Variants in PRPF38A observed in about 807,000 individuals in gnomAD.
PRPF38A encodes pre-mRNA processing factor 38A.
A neutral mutation model predicts 46.8 loss-of-function variants in PRPF38A; 11 were observed. The ratio of observed to expected loss-of-function variants is 0.24; its 90% CI spans 0.15 to 0.39. The LOEUF (loss-of-function observed/expected upper bound fraction) is 0.39. Ranked by LOEUF, PRPF38A falls within the 10% of genes least tolerant of loss-of-function variation. The pLI, the probability that PRPF38A is intolerant of heterozygous loss-of-function variation, is 1.00. For synonymous variants in PRPF38A, 124 were observed against 136.2 expected (o/e 0.91, Z 0.62); for missense variants, 261 against 407.5 (o/e 0.64, Z 3.10).
At chr1:52,408,172 G>A (rs192234846) in intron 2 of PRPF38A, 14 of 330,206 alleles carry the variant, frequency 4.2e-5, no homozygotes, top group Middle Eastern at 1.1e-3. Context: ...CCCAGGAGGC[G>A]GAGGTTGCAG....
Position 52,408,685 on chromosome 1 carries a change from A to G in PRPF38A, c.407A>G (p.Asn136Ser), listed in dbSNP as rs779491095. The change falls in exon 3 of 10, where the codon AAT becomes AGT. Residue 136 changes from asparagine to serine, a missense_variant. By Grantham distance (46) the Asn-to-Ser change is conservative. Coordinates refer to ENST00000257181, the MANE Select transcript of PRPF38A (RefSeq NM_032864.4). ...CGAAAAATCAAGAGCCAGAACCGAA[A>G]TGGGGGTAAGTATGGTGCTAAGTCT... ...DYRKIKSQNR[N>S]GEFELMHVDE... is the part of the protein sequence containing the mutation. 6.2e-6 allele frequency: 10 copies of G among 1,614,026 alleles called. No individual in the cohort carries two copies. In the East Asian group the frequency reaches 1.8e-4, roughly 29 times the overall value.
chr1:52,413,375 AAAC>A (rs1648203488), intron 5 of PRPF38A, among the ~76,000 whole-genome samples: 1 of 152,120 alleles, frequency 6.6e-6, no homozygotes, highest in African/African-American at 2.4e-5. Flanking sequence ...GAAAAGTTGA[AAAC>A]AACCAAGCTG....
At chr1:52,405,658 C>T (rs1485973602) in intron 1 of PRPF38A, 22 bp from the exon 2 acceptor site, 3 of 1,611,470 alleles carry the variant, frequency 1.9e-6, no homozygotes, top group Non-Finnish European at 2.5e-6. Flanking sequence ...TAATATGTTA[C>T]TGTATTGTTT....
At chr1:52,414,701 G>A (rs916135265) in intron 7 of PRPF38A, 54 bp downstream of exon 7, 4 of 1,613,446 alleles carry the variant, frequency 2.5e-6, no homozygotes, top group Non-Finnish European at 3.4e-6. Context: ...GGGGGTGGTG[G>A]TATTGGTGTT....
chr1:52,415,285 G>T, intron 8 of PRPF38A, 53 bp from the exon 9 acceptor site: 1 of 1,574,872 alleles, frequency 6.3e-7, no homozygotes, highest in Admixed American at 1.7e-5. Context: ...GAGAATGACA[G>T]TTTAATAAGA....
At chr1:52,408,955 T>G (rs1648074315) in intron 3 of PRPF38A, 1 of 298,274 alleles carries the variant, frequency 3.4e-6, no homozygotes, top group African/African-American at 2.2e-5. Context: ...TATGCCCCCT[T>G]TACATGTGCT....
In PRPF38A at chr1:52,404,700, A is replaced by G. The variant is rs544190409; in HGVS notation, c.-50A>G. ...CTCTAGGTGCTTTTTCTGAACCTGGATGTGAGGCATTAAAGGATCCGACGG... is the reference window on the plus strand; with the variant it reads ...CTCTAGGTGCTTTTTCTGAACCTGGGTGTGAGGCATTAAAGGATCCGACGG... On this transcript the variant is annotated 5_prime_UTR_variant, in exon 1 of 10. An upstream start codon of the reference 5' UTR is lost. Transcript: ENST00000257181. 1 of 1,591,932 alleles carries G rather than the reference A, an allele frequency of 6.3e-7. No individual in the cohort carries two copies. The highest frequency in any genetic ancestry group is 2.2e-5 in the East Asian group (1 of 44,542).
chr1:52,415,465 G>A (rs1648263955), intron 9 of PRPF38A, 79 bp downstream of exon 9: 2 of 1,227,826 alleles, frequency 1.6e-6, no homozygotes, highest in Admixed American at 2.0e-5. Flanking sequence ...TTCTTGTTTT[G>A]TTGGGGGATG....
At position 52,416,817 on chromosome 1, in the gene PRPF38A, A is replaced by G. The variant is rs1569984683; in HGVS notation, c.*127A>G. 4 of 740,732 alleles carry G rather than the reference A, an allele frequency of 5.4e-6. No individual in the cohort carries two copies. Among genetic ancestry groups the G allele is most frequent in the East Asian group, 2.7e-5 (1 of 36,592 alleles). 45.9% of individuals were successfully genotyped at this position (740,732 alleles called of 1,614,324 possible). On this transcript the variant is annotated 3_prime_UTR_variant, in exon 10 of 10. Coordinates refer to ENST00000257181, the MANE Select transcript of PRPF38A (RefSeq NM_032864.4). ...AGTTTTTTTCTTATCAAGTTTCTCA[A>G]CCTTTATTTTTAATGAAGGAGGTGC...
chr1:52,413,826 G>C (rs1648215345), intron 5 of PRPF38A, 53 bp from the exon 6 acceptor site: 5 of 1,183,022 alleles, frequency 4.2e-6, no homozygotes, highest in Admixed American at 1.7e-5. Context: ...AGTGTTCCTA[G>C]ATGGCTCTTT....
Position 52,408,558 on chromosome 1 carries a change from C to T in PRPF38A, c.291-11C>T. ...GGATGGCCTGTTGTTTCACTGTCAT[C>T]TGTCTCTCAGGTATGTCCGCATGCT... is the stretch of plus-strand genomic sequence containing the variant. On this transcript the variant is annotated splice_polypyrimidine_tract_variant and intron_variant, in intron 2 of 9. Transcript: ENST00000257181. 6.2e-7 allele frequency: 1 copy of T among 1,614,094 alleles called. No individual in the cohort carries two copies. The highest frequency in any genetic ancestry group is 2.2e-5 in the East Asian group (1 of 44,884).
intron 4 of PRPF38A, 51 bp downstream of exon 4, chr1:52,411,251 C>A: frequency 7.5e-7 from 1 of 1,329,656 alleles, no homozygotes; most frequent in Non-Finnish European, 1.1e-6. Flanking sequence ...CCTAGACGGG[C>A]AGACAGACAA....
At position 52,420,208 on chromosome 1, in the gene PRPF38A, A is replaced by G. The variant is rs1232952499; in HGVS notation, c.*3518A>G. ...GATGTTCTCAAGTTTGTAAGAACTT[A>G]AAAGTACAAATCATGAGTCTTTGGG... On this transcript the variant is annotated 3_prime_UTR_variant, in exon 10 of 10. Coordinates refer to ENST00000257181, the MANE Select transcript of PRPF38A (RefSeq NM_032864.4). 4 of 152,252 alleles carry G rather than the reference A, an allele frequency of 2.6e-5. No individual in the cohort carries two copies. The highest frequency in any genetic ancestry group is 5.9e-5 in the Non-Finnish European group (4 of 68,042). 9.4% of individuals were successfully genotyped at this position (152,252 alleles called of 1,614,324 possible).
chr1:52,412,421 C>T (rs1648171242), intron 4 of PRPF38A, 93 bp from the exon 5 acceptor site: 1 of 760,078 alleles, frequency 1.3e-6, no homozygotes, highest in African/African-American at 1.7e-5. Flanking sequence ...ATTGCCTCAG[C>T]TGTTGCTCCT....
In PRPF38A at chr1:52,417,321, C is replaced by G. The variant is rs1648320703; in HGVS notation, c.*631C>G. The G allele has an allele frequency of 6.6e-6, 1 of 152,378 alleles. No individual in the cohort carries two copies. The highest frequency in any genetic ancestry group is 1.5e-5 in the Non-Finnish European group (1 of 68,202). 9.4% of individuals were successfully genotyped at this position (152,378 alleles called of 1,614,324 possible). On this transcript the variant is annotated 3_prime_UTR_variant, in exon 10 of 10. Transcript: ENST00000257181. The stretch of plus-strand genomic sequence containing the variant: ...CCATTTTTTCATAGTTTCATTTGTT[C>G]TTGCCCACAAGCTTGAAATCCAGGT...
chr1:52,411,274 A>C (rs1196008598), intron 4 of PRPF38A, 74 bp downstream of exon 4: 1 of 1,034,420 alleles, frequency 9.7e-7, no homozygotes, highest in African/African-American at 1.6e-5. Flanking sequence ...ACATACACAC[A>C]GCTTAAACAC....
chr1:52,410,233 C>T (rs933685819), intron 3 of PRPF38A, among the ~76,000 whole-genome samples: 11 of 148,142 alleles, frequency 7.4e-5, no homozygotes, highest in Non-Finnish European at 1.2e-4. Flanking sequence ...ACCCGGGAGG[C>T]GGAGGTTGCA....
chr1:52,412,684 T>G (rs1648179903), intron 5 of PRPF38A, 60 bp downstream of exon 5: 1 of 1,172,344 alleles, frequency 8.5e-7, no homozygotes, highest in Admixed American at 2.1e-5. Flanking sequence ...TGGGAATGGT[T>G]TTTTGTTTTT....
At chr1:52,405,930 T>G in intron 2 of PRPF38A, 91 bp downstream of exon 2, 1 of 1,060,936 alleles carries the variant, frequency 9.4e-7, no homozygotes, top group South Asian at 1.4e-5. Context: ...ACAATGTATC[T>G]CATTTCTAGA....
Sources: allele counts gnomAD v4.1 joint callset (sites outside exome capture counted in the v4.1 genomes callset), GRCh38; gene constraint gnomAD v4.1.1; transcripts MANE v1.5; gene names NCBI Gene and HGNC (gene_info 2026-07-23, HGNC 2026-07-21).